Variants in VWC2 observed in about 807,000 individuals in gnomAD.
VWC2 encodes the protein brorin.
VWC2 carries 14 observed loss-of-function variants against 29.8 expected under a neutral mutation model. The observed-to-expected ratio is 0.47, with a 90% CI of 0.31 to 0.74. The LOEUF is 0.74. Among genes scored for constraint, VWC2 ranks in the 30% least tolerant of loss-of-function variants. VWC2 has a pLI of 0.05. For missense variants in VWC2, 457 were observed against 459.8 expected (o/e 0.99, Z 0.05); for synonymous variants, 213 against 199.0 (o/e 1.07, Z -0.59).
chr7:49,906,068 A>G (rs1793071423), intron 3 of VWC2, among the ~76,000 whole-genome samples: 1 of 152,212 alleles, frequency 6.6e-6, no homozygotes, highest in Non-Finnish European at 1.5e-5. Context: ...AGAAATAACC[A>G]TAAAAATGGG....
chr7:49,891,264 AAAGCCTC>A (rs1440281409), intron 3 of VWC2, among the ~76,000 whole-genome samples: 4 of 152,218 alleles, frequency 2.6e-5, no homozygotes, highest in African/African-American at 9.6e-5. Context: ...ACAAGCGATA[AAAGCCTC>A]AATTTAGCCA....
chr7:49,819,648 T>C (rs1287022412), intron 3 of VWC2, among the ~76,000 whole-genome samples: 1 of 152,226 alleles, frequency 6.6e-6, no homozygotes, highest in Admixed American at 6.5e-5. Flanking sequence ...TGAGTAGTTC[T>C]CAAAGAGGTG....
rs984642752 is a variant in VWC2 at position 49,817,451 on chromosome 7, T to C, written c.826+14611T>C. On this transcript the variant is annotated intron_variant, in intron 3 of 3. Coordinates refer to ENST00000340652, the MANE Select transcript of VWC2 (RefSeq NM_198570.5). ...CAGTGGTAGACAGTGTGAAGACAAATAACCCTGTAGATGACTTGCCCAATC... is the reference window on the plus strand; with the variant it reads ...CAGTGGTAGACAGTGTGAAGACAAACAACCCTGTAGATGACTTGCCCAATC... Among the ~76,000 whole-genome samples the C allele has an allele frequency of 1.8e-4, 28 of 152,144 alleles. 1 individual carries two copies. Among genetic ancestry groups the C allele is most frequent in the African/African-American group, 6.8e-4 (28 of 41,446 alleles).
chr7:49,848,466 C>A (rs1055124795), intron 3 of VWC2, among the ~76,000 whole-genome samples: 1 of 152,230 alleles, frequency 6.6e-6, no homozygotes. Context: ...TCCAGCCCAC[C>A]TGCCCAGGGT....
At chr7:49,896,270 G>A (rs562087328) in intron 3 of VWC2, among the ~76,000 whole-genome samples, 1 of 152,304 alleles carries the variant, frequency 6.6e-6, no homozygotes, top group East Asian at 1.9e-4. Context: ...GAACCCAGAA[G>A]GTGGAGGTTG....
At chr7:49,871,941 ACACACACACACACACACCG>A (rs1224636887) in intron 3 of VWC2, among the ~76,000 whole-genome samples, 8 of 144,158 alleles carry the variant, frequency 5.5e-5, no homozygotes, top group Non-Finnish European at 1.1e-4. Context: ...ACACACACAC[ACACACACACACACACACCG>A]AGAAAGAGAG....
intron 3 of VWC2, among the ~76,000 whole-genome samples, chr7:49,898,820 C>T (rs1173203205): frequency 1.3e-5 from 2 of 151,784 alleles, no homozygotes; most frequent in African/African-American, 4.8e-5. Flanking sequence ...TCTAGGGCAA[C>T]CCCTATAAAA....
chr7:49,785,651 C>G (rs1289777661), intron 2 of VWC2, among the ~76,000 whole-genome samples: 2 of 152,058 alleles, frequency 1.3e-5, no homozygotes, highest in African/African-American at 4.8e-5. Context: ...GACATTACAT[C>G]CAGAATAACA....
intron 3 of VWC2, among the ~76,000 whole-genome samples, chr7:49,909,863 G>A (rs1295172433): frequency 6.6e-6 from 1 of 152,154 alleles, no homozygotes; most frequent in Non-Finnish European, 1.5e-5. Flanking sequence ...CAGCACTTTG[G>A]GAGGTCAAGG....
intron 3 of VWC2, among the ~76,000 whole-genome samples, chr7:49,906,401 C>T (rs185983368): frequency 0.033 from 5,023 of 152,118 alleles, 311 homozygotes; most frequent in Admixed American, 0.16. Context: ...GTGGCGGCGA[C>T]CTCAGCTCAC....
chr7:49,839,664 T>C (rs542018913), intron 3 of VWC2, among the ~76,000 whole-genome samples: 2 of 151,736 alleles, frequency 1.3e-5, no homozygotes, highest in South Asian at 2.1e-4. Flanking sequence ...GTGGTACCCA[T>C]GGTTAGAAGG....
At chr7:49,883,175 G>T (rs920218348) in intron 3 of VWC2, among the ~76,000 whole-genome samples, 1 of 152,038 alleles carries the variant, frequency 6.6e-6, no homozygotes. Context: ...ATGCAGGTTT[G>T]AGCTTGAGGA....
intron 3 of VWC2, among the ~76,000 whole-genome samples, chr7:49,875,966 G>A (rs1375749222): frequency 6.6e-6 from 1 of 152,142 alleles, no homozygotes; most frequent in Non-Finnish European, 1.5e-5. Context: ...GAAGAAATTG[G>A]TGTTGCATTG....
rs1562774943 is a variant in VWC2 at position 49,918,193 on chromosome 7, T to C, written c.*6008T>C. The C allele has an allele frequency of 6.6e-6, 1 of 152,144 alleles. No individual in the cohort carries two copies. The highest frequency in any genetic ancestry group is 1.5e-5 in the Non-Finnish European group (1 of 68,020). The allele number at this position is 152,144 out of a possible 1,614,324, so 9.4% of individuals were successfully genotyped here. On this transcript the variant is annotated 3_prime_UTR_variant, in exon 4 of 4. Coordinates refer to ENST00000340652, the MANE Select transcript of VWC2 (RefSeq NM_198570.5). ...ATCCCCTTTGTTGCAGAAAAGTAAA[T>C]ATAGGCTCAGGGAAATTTAAAAACT...
chr7:49,828,890 C>T (rs1789463806), intron 3 of VWC2, among the ~76,000 whole-genome samples: 1 of 152,162 alleles, frequency 6.6e-6, no homozygotes, highest in African/African-American at 2.4e-5. Flanking sequence ...GGGCCAGGTC[C>T]CAGGGATAGC....
Position 49,849,946 on chromosome 7 carries a change from T to A in VWC2, c.826+47106T>A, listed in dbSNP as rs536384494. Among the ~76,000 whole-genome samples, 15 of 152,212 alleles carry A rather than the reference T, an allele frequency of 9.9e-5. No individual in the cohort carries two copies. In the East Asian group the frequency reaches 2.9e-3, roughly 29 times the overall value. On this transcript the variant is annotated intron_variant, in intron 3 of 3. Transcript: ENST00000340652. Reference sequence around the variant, plus strand: ...AATTCAGTGCAATAGTACAGCATGGTGCACAGGAAGACTAAGCACAGTACC... The same window carrying A: ...AATTCAGTGCAATAGTACAGCATGGAGCACAGGAAGACTAAGCACAGTACC...
chr7:49,824,376 A>G (rs779819254), intron 3 of VWC2, among the ~76,000 whole-genome samples: 106 of 152,212 alleles, frequency 7.0e-4, no homozygotes, highest in Non-Finnish European at 3.7e-4. Context: ...TTGGTCAAAA[A>G]TCAATTCACC....
chr7:49,913,082 T>G lies in VWC2; in HGVS notation c.*897T>G, dbSNP rs1218308102. ...CCTAAACAAGTTTATATACCTGAAATCTAAATGTGCTACAGATAACTCAGC... is the reference window on the plus strand; with the variant it reads ...CCTAAACAAGTTTATATACCTGAAAGCTAAATGTGCTACAGATAACTCAGC... On this transcript the variant is annotated 3_prime_UTR_variant, in exon 4 of 4. Coordinates refer to ENST00000340652, the MANE Select transcript of VWC2 (RefSeq NM_198570.5). 6.6e-6 allele frequency: 1 copy of G among 152,148 alleles called. No individual in the cohort carries two copies. The highest frequency in any genetic ancestry group is 1.5e-5 in the Non-Finnish European group (1 of 68,032). 9.4% of individuals were successfully genotyped at this position (152,148 alleles called of 1,614,324 possible).
intron 3 of VWC2, among the ~76,000 whole-genome samples, chr7:49,899,963 C>T (rs965265256): frequency 6.6e-6 from 1 of 151,760 alleles, no homozygotes; most frequent in African/African-American, 2.4e-5. Context: ...GGAAATCATA[C>T]AATAGCTGCT....
Sources: allele counts gnomAD v4.1 joint callset (sites outside exome capture counted in the v4.1 genomes callset), GRCh38; gene constraint gnomAD v4.1.1; transcripts MANE v1.5; gene names NCBI Gene and HGNC (gene_info 2026-07-23, HGNC 2026-07-21).